TMPRSS9: variants seen among roughly 807,000 people sequenced by gnomAD.
The protein encoded by TMPRSS9 is transmembrane protease serine 9.
A neutral mutation model predicts 111.4 loss-of-function variants in TMPRSS9; 113 were observed. The observed-to-expected ratio is 1.01, with a 90% CI of 0.87 to 1.19. The LOEUF (loss-of-function observed/expected upper bound fraction) is 1.19. Ranked by LOEUF, TMPRSS9 falls within the 50% of genes most tolerant of loss-of-function variation. The pLI is 0.00. For missense variants in TMPRSS9, 1,803 were observed against 1,513.1 expected (o/e 1.19, Z -3.18); for synonymous variants, 805 against 659.1 (o/e 1.22, Z -3.39).
intron 1 of TMPRSS9, among the ~76,000 whole-genome samples, chr19:2,372,994 G>A (rs546125618): frequency 6.6e-6 from 1 of 151,674 alleles, no homozygotes; most frequent in Admixed American, 6.6e-5. Context: ...ACCACCCCTG[G>A]CTAATTATTT....
intron 14 of TMPRSS9, among the ~76,000 whole-genome samples, chr19:2,423,690 G>A (rs1038549753): frequency 2.6e-5 from 4 of 152,118 alleles, no homozygotes; most frequent in African/African-American, 9.7e-5. Flanking sequence ...TCTGGGGAGG[G>A]CTTGGAGGTG....
chr19:2,414,011 G>C (rs971813738), exon 10 of TMPRSS9: 9 of 1,581,100 alleles, frequency 5.7e-6, no homozygotes, highest in African/African-American at 1.4e-5. Flanking sequence ...CCGTTCCTAA[G>C]CTACAAGGTA....
At chr19:2,406,493 ATT>A (rs112935402) in intron 7 of TMPRSS9, among the ~76,000 whole-genome samples, 25 of 144,494 alleles carry the variant, frequency 1.7e-4, no homozygotes, top group African/African-American at 3.0e-4. Flanking sequence ...TGCCTGGCTA[ATT>A]TTTTTTTTTT....
intron 5 of TMPRSS9, 39 bp from the exon 7 acceptor site, chr19:2,403,043 T>C: frequency 6.6e-7 from 1 of 1,512,062 alleles, no homozygotes; most frequent in Middle Eastern, 1.7e-4. Context: ...CCAGGAGATG[T>C]AGCATGAGGT....
chr19:2,413,796 C>T (rs141788773), exon 10 of TMPRSS9: 63 of 1,613,732 alleles, frequency 3.9e-5, no homozygotes, highest in Middle Eastern at 1.6e-4. Flanking sequence ...GGAAGCCCGG[C>T]GTCCAGGGGT....
intron 1 of TMPRSS9, among the ~76,000 whole-genome samples, chr19:2,361,356 T>TCTGGGGTGGGAGGC (rs1970196083): frequency 7.7e-5 from 1 of 13,034 alleles, no homozygotes; most frequent in African/African-American, 3.2e-4. Context: ...GGGTGGGAGG[T>TCTGGGGTGGGAGGC]GAGTCTGGGG....
At chr19:2,376,632 G>A (rs532462008) in intron 1 of TMPRSS9, among the ~76,000 whole-genome samples, 1 of 152,048 alleles carries the variant, frequency 6.6e-6, no homozygotes, top group African/African-American at 2.4e-5. Flanking sequence ...GCTAATTTTT[G>A]TATTTTTAGT....
At chr19:2,394,183 C>T (rs1035008947) in intron 1 of TMPRSS9, among the ~76,000 whole-genome samples, 1 of 151,280 alleles carries the variant, frequency 6.6e-6, no homozygotes, top group African/African-American at 2.5e-5. Flanking sequence ...AGCCTGGCAA[C>T]AGAGTGTGAG....
At chr19:2,364,107 G>A (rs182797919) in intron 1 of TMPRSS9, among the ~76,000 whole-genome samples, 5 of 152,126 alleles carry the variant, frequency 3.3e-5, no homozygotes, top group African/African-American at 9.6e-5. Context: ...GCTTGAGCCC[G>A]GGAGTTGGAG....
At chr19:2,409,139 A>ATTT (rs534247160) in intron 8 of TMPRSS9, among the ~76,000 whole-genome samples, 1 of 131,288 alleles carries the variant, frequency 7.6e-6, no homozygotes, top group Non-Finnish European at 1.6e-5. Context: ...TGCTACTGCG[A>ATTT]TTTTTTTTTT....
chr19:2,423,967 T>G, intron 14 of TMPRSS9, 122 bp from the exon 16 acceptor site: 1 of 1,050,164 alleles, frequency 9.5e-7, no homozygotes, highest in Non-Finnish European at 1.2e-6. Flanking sequence ...CTGGGATAGG[T>G]CCCCCATCAC....
intron 9 of TMPRSS9, among the ~76,000 whole-genome samples, chr19:2,410,880 T>C (rs1351807154): frequency 6.6e-6 from 1 of 152,080 alleles, no homozygotes; most frequent in Non-Finnish European, 1.5e-5. Context: ...GTATGAATGA[T>C]GCCAGCACAT....
At chr19:2,395,137 G>T (rs1481356125) in intron 1 of TMPRSS9, among the ~76,000 whole-genome samples, 1 of 152,050 alleles carries the variant, frequency 6.6e-6, no homozygotes, top group African/African-American at 2.4e-5. Context: ...AAAAATTAAC[G>T]CTGGGTGCAG....
chr19:2,369,999 G>A (rs34879276), intron 1 of TMPRSS9, among the ~76,000 whole-genome samples: 41,255 of 151,816 alleles, frequency 0.27, 5,710 homozygotes, highest in Middle Eastern at 0.39. Context: ...CTTGAGGTCA[G>A]GAGTTCAAGA....
At chr19:2,411,560 G>C (rs1238247714) in intron 9 of TMPRSS9, among the ~76,000 whole-genome samples, 3 of 148,712 alleles carry the variant, frequency 2.0e-5, no homozygotes, top group East Asian at 2.1e-4. Flanking sequence ...ACCACACCTA[G>C]CTAATTTTTG....
intron 10 of TMPRSS9, among the ~76,000 whole-genome samples, chr19:2,414,729 T>C (rs1174219567): frequency 6.6e-6 from 1 of 150,814 alleles, no homozygotes; most frequent in African/African-American, 2.4e-5. Context: ...TAGCTGGGCA[T>C]GGTGGAGGGC....
At chr19:2,396,575 C>G in exon 2 of TMPRSS9, 1 of 1,610,620 alleles carries the variant, frequency 6.2e-7, no homozygotes, top group Non-Finnish European at 8.5e-7. Flanking sequence ...GTGGACCACA[C>G]GGCCGAGCTG....
chr19:2,368,245 A>G (rs558915292), intron 1 of TMPRSS9, among the ~76,000 whole-genome samples: 1 of 152,138 alleles, frequency 6.6e-6, no homozygotes, highest in South Asian at 2.1e-4. Flanking sequence ...AATGGGAATT[A>G]AGCAGTTCCA....
At chr19:2,403,581 G>A (rs1970902309) in intron 6 of TMPRSS9, among the ~76,000 whole-genome samples, 1 of 152,020 alleles carries the variant, frequency 6.6e-6, no homozygotes, top group African/African-American at 2.4e-5. Flanking sequence ...GATTAGCAGG[G>A]TGCGGTGGCT....
Sources: gnomAD v4.1 joint callset for allele counts (sites outside exome capture counted in the v4.1 genomes callset) on GRCh38, gnomAD v4.1.1 for gene constraint, MANE v1.5 for transcripts, NCBI Gene and HGNC (gene_info 2026-07-23, HGNC 2026-07-21) for gene names.